Variants in NLGN4X observed in about 807,000 individuals in gnomAD.
The protein encoded by NLGN4X is neuroligin-4, X-linked.
NLGN4X carries 3 observed loss-of-function variants against 40.3 expected under a neutral mutation model. The ratio of observed to expected loss-of-function variants is 0.07; its 90% CI spans 0.03 to 0.19. NLGN4X has a LOEUF of 0.19. NLGN4X is among the 10% of genes least tolerant of loss of function. The pLI is 1.00. For synonymous variants in NLGN4X, 270 were observed against 306.8 expected (o/e 0.88, Z 1.25); for missense variants, 382 against 708.3 (o/e 0.54, Z 5.23).
intron 3 of NLGN4X, among the ~76,000 whole-genome samples, chrX:5,987,550 A>AT (rs780762037): frequency 3.6e-5 from 4 of 112,114 alleles, no homozygotes; most frequent in African/African-American, 3.2e-5. Flanking sequence ...CAAATGGATT[A>AT]TTTTTTTTAA....
intron 3 of NLGN4X, among the ~76,000 whole-genome samples, chrX:5,929,397 G>A (rs903787357): frequency 7.2e-5 from 8 of 111,723 alleles, no homozygotes; most frequent in Non-Finnish European, 1.1e-4. Context: ...AACCCAGGAG[G>A]TGGAGGTTGC....
At chrX:5,996,195 G>T (rs1400931215) in intron 3 of NLGN4X, among the ~76,000 whole-genome samples, 1 of 112,154 alleles carries the variant, frequency 8.9e-6, no homozygotes, top group African/African-American at 3.2e-5. Context: ...CTGATGAAAA[G>T]AAGAGATCAC....
chrX:5,899,012 C>A (rs997626578), intron 5 of NLGN4X, among the ~76,000 whole-genome samples: 7 of 112,157 alleles, frequency 6.2e-5, no homozygotes, highest in Non-Finnish European at 1.3e-4. Context: ...ACCTAGCTCA[C>A]CAGACTGTGC....
At chrX:6,117,413 C>T (rs991116328) in intron 2 of NLGN4X, among the ~76,000 whole-genome samples, 3 of 110,516 alleles carry the variant, frequency 2.7e-5, no homozygotes, top group Non-Finnish European at 5.7e-5. Flanking sequence ...TCACATCAAA[C>T]ACTCTCAATC....
At chrX:5,968,438 C>CCTCTCTCTCTCTCT (rs758256758) in intron 3 of NLGN4X, among the ~76,000 whole-genome samples, 1 of 15,092 alleles carries the variant, frequency 6.6e-5, no homozygotes, top group African/African-American at 3.3e-4. Context: ...TGTAAGTACC[C>CCTCTCTCTCTCTCT]CTCTCTCTCT....
At chrX:6,033,151 C>G (rs1181297586) in intron 2 of NLGN4X, among the ~76,000 whole-genome samples, 1 of 111,850 alleles carries the variant, frequency 8.9e-6, no homozygotes, top group Non-Finnish European at 1.9e-5. Context: ...CAATGGTCCT[C>G]TGATGTTAAC....
intron 2 of NLGN4X, among the ~76,000 whole-genome samples, chrX:6,077,082 T>C (rs2038216924): frequency 8.9e-6 from 1 of 112,105 alleles, no homozygotes; most frequent in African/African-American, 3.2e-5. Context: ...GCATTTTAAA[T>C]ATAAAAAGTG....
intron 3 of NLGN4X, among the ~76,000 whole-genome samples, chrX:5,938,955 T>TTGTGTGTG (rs775880273): frequency 9.7e-6 from 1 of 102,693 alleles, no homozygotes; most frequent in South Asian, 4.2e-4. Context: ...GTGTTTGTAT[T>TTGTGTGTG]TGTGTGTGTG....
At chrX:6,030,642 C>T (rs1023292709) in intron 2 of NLGN4X, among the ~76,000 whole-genome samples, 3 of 110,607 alleles carry the variant, frequency 2.7e-5, no homozygotes, top group South Asian at 7.7e-4. Context: ...ACAGAAGACA[C>T]GACATACCCA....
At chrX:5,908,943 G>A (rs747130581) in intron 4 of NLGN4X, 111 bp downstream of exon 4, 86 of 856,404 alleles carry the variant, frequency 1.0e-4, no homozygotes, top group Non-Finnish European at 1.4e-4. Flanking sequence ...GGCATTTTCT[G>A]TTGCCAGAGT....
intron 2 of NLGN4X, among the ~76,000 whole-genome samples, chrX:6,115,543 A>G (rs1001598570): frequency 5.4e-5 from 6 of 111,893 alleles, no homozygotes; most frequent in African/African-American, 2.0e-4. Flanking sequence ...ACGAGAAGGT[A>G]AAGTTGGCAT....
At chrX:5,911,156 CCT>C (rs2032456782) in intron 3 of NLGN4X, among the ~76,000 whole-genome samples, 1 of 111,357 alleles carries the variant, frequency 9.0e-6, no homozygotes, top group South Asian at 3.8e-4. Context: ...GCTTTCTTCC[CCT>C]ATTAAAGAAA....
At chrX:6,056,369 G>A (rs1254049805) in intron 2 of NLGN4X, among the ~76,000 whole-genome samples, 1 of 110,338 alleles carries the variant, frequency 9.1e-6, no homozygotes, top group Non-Finnish European at 1.9e-5. Flanking sequence ...CCAGCTACTC[G>A]GAAGGCTGAG....
rs1260667501 is a variant in NLGN4X, at chrX:6,225,938, T to G, written c.-306+2603A>C. 4.2e-5 allele frequency among the ~76,000 whole-genome samples: 3 copies of G among 71,496 alleles called. No individual in the cohort carries two copies. The Admixed American group carries it at 4.7e-4, about 11-fold the overall frequency. 62.1% of individuals were successfully genotyped at this position (71,496 alleles called of 115,157 possible). On this transcript the variant is annotated intron_variant, in intron 1 of 5. Coordinates refer to ENST00000381095, the MANE Select transcript of NLGN4X (RefSeq NM_181332.3). Reference sequence around the variant, plus strand: ...AAATAGAAATAAAATAAAATAAAAATAAAAAGAAGCCATACTACCACCTTG... The same window carrying G: ...AAATAGAAATAAAATAAAATAAAAAGAAAAAGAAGCCATACTACCACCTTG...
chrX:6,107,045 A>G (rs2039045973), intron 2 of NLGN4X, among the ~76,000 whole-genome samples: 1 of 112,799 alleles, frequency 8.9e-6, no homozygotes, highest in South Asian at 3.6e-4. Context: ...CTTTACCAAT[A>G]TAGACATGGT....
chrX:6,090,382 T>A (rs1335298587), intron 2 of NLGN4X, among the ~76,000 whole-genome samples: 1 of 111,284 alleles, frequency 9.0e-6, no homozygotes, highest in Non-Finnish European at 1.9e-5. Flanking sequence ...ATAATCAGAA[T>A]GCTATACCTT....
At chrX:6,101,474 G>C (rs1317857771) in intron 2 of NLGN4X, among the ~76,000 whole-genome samples, 4 of 112,089 alleles carry the variant, frequency 3.6e-5, no homozygotes, top group Non-Finnish European at 7.5e-5. Flanking sequence ...ACACAATGGA[G>C]TATTGTTCAG....
At position 5,891,433 on chromosome X, in the gene NLGN4X, TGATA is replaced by T; in HGVS notation, c.*1380_*1383del. On this transcript the variant is annotated 3_prime_UTR_variant, in exon 6 of 6. Coordinates refer to ENST00000381095, the MANE Select transcript of NLGN4X (RefSeq NM_181332.3). ...AAAAGATTTTTAAAAACCTGCTTAC[TGATA>T]AATAAGGGACCGAGTGCTTAAACAA... The T allele has an allele frequency of 4.2e-6, 1 of 239,892 alleles. No individual in the cohort carries two copies. Among genetic ancestry groups the T allele is most frequent in the South Asian group, 4.7e-5 (1 of 21,484 alleles). The allele number at this position is 239,892 out of a possible 1,213,427, so 19.8% of individuals were successfully genotyped here.
At chrX:6,026,212 G>A (rs1423115868) in intron 3 of NLGN4X, among the ~76,000 whole-genome samples, 1 of 105,151 alleles carries the variant, frequency 9.5e-6, no homozygotes, top group African/African-American at 3.4e-5. Flanking sequence ...TCTCTTTTGG[G>A]TAACAGAGAA....
Sources: allele counts gnomAD v4.1 joint callset (sites outside exome capture counted in the v4.1 genomes callset), GRCh38; gene constraint gnomAD v4.1.1; transcripts MANE v1.5; gene names NCBI Gene and HGNC (gene_info 2026-07-23, HGNC 2026-07-21).